Variants in NID2 observed in about 807,000 individuals in gnomAD.
The protein encoded by NID2 is nidogen-2.
A neutral mutation model predicts 145.4 loss-of-function variants in NID2; 83 were observed. The ratio of observed to expected loss-of-function variants is 0.57; its 90% confidence interval spans 0.48 to 0.69. The LOEUF (loss-of-function observed/expected upper bound fraction) is 0.69. Among genes scored for constraint, NID2 ranks in the 30% least tolerant of loss-of-function variants. NID2 has a pLI of 0.00. For missense variants in NID2, 1,807 were observed against 1,765.7 expected, an observed-to-expected ratio of 1.02 and a Z score of -0.42; for synonymous variants, 739 against 701.3, an observed-to-expected ratio of 1.05 and a Z score of -0.85.
At chr14:52,013,220 A>C (rs1891095950) in intron 16 of NID2, among the ~76,000 whole-genome samples, 1 of 152,160 alleles carries the variant, frequency 6.6e-6, no homozygotes. Flanking sequence ...TTCCACTACC[A>C]CTACCATCAC....
chr14:52,013,869 C>A (rs1414611541), intron 16 of NID2, among the ~76,000 whole-genome samples: 1 of 152,198 alleles, frequency 6.6e-6, no homozygotes, highest in East Asian at 1.9e-4. Flanking sequence ...CACTTGGAGT[C>A]CCCAACAAAC....
At chr14:52,019,835 G>T (rs1305707752) in intron 13 of NID2, among the ~76,000 whole-genome samples, 2 of 152,186 alleles carry the variant, frequency 1.3e-5, no homozygotes, top group Non-Finnish European at 2.9e-5. Flanking sequence ...GGGGCTATGA[G>T]GTAGGACGAT....
chr14:52,067,074 C>CGGTA (rs774584221), intron 2 of NID2, among the ~76,000 whole-genome samples: 1 of 152,184 alleles, frequency 6.6e-6, no homozygotes, highest in Non-Finnish European at 1.5e-5. Context: ...CCTCTCTGAC[C>CGGTA]TACCAATTGC....
intron 2 of NID2, among the ~76,000 whole-genome samples, chr14:52,065,482 T>TTTTTTTTATTTA (rs1893164623): frequency 1.8e-4 from 24 of 133,024 alleles, no homozygotes; most frequent in East Asian, 5.5e-4. Flanking sequence ...CCCCTTTCTT[T>TTTTTTTTATTTA]TTTATTTATT....
At chr14:52,030,530 AAG>A (rs1491019185) in intron 9 of NID2, among the ~76,000 whole-genome samples, 1 of 51,660 alleles carries the variant, frequency 1.9e-5, no homozygotes, top group African/African-American at 6.4e-5. Context: ...GAAAGAAAGA[AAG>A]AAAGAAAGAA....
At chr14:52,054,349 A>C (rs1263898569) in intron 3 of NID2, 28 bp from the exon 4 acceptor site, 1 of 1,587,188 alleles carries the variant, frequency 6.3e-7, no homozygotes, top group East Asian at 2.2e-5. Flanking sequence ...AGTCATTGTA[A>C]CAAATGTAAC....
At chr14:52,011,756 T>G in intron 16 of NID2, 73 bp from the exon 17 acceptor site, 1 of 1,565,502 alleles carries the variant, frequency 6.4e-7, no homozygotes, top group South Asian at 1.1e-5. Context: ...GCTGCCTTGC[T>G]CATGCACAGC....
intron 18 of NID2, chr14:52,008,920 T>C (rs1432026462): frequency 1.3e-5 from 2 of 152,154 alleles, no homozygotes; most frequent in African/African-American, 4.8e-5. Context: ...AAATGAAATA[T>C]ATTCATAACA....
At chr14:52,008,034 G>T in intron 18 of NID2, 67 bp from the exon 19 acceptor site, 1 of 1,326,422 alleles carries the variant, frequency 7.5e-7, no homozygotes, top group Non-Finnish European at 1.0e-6. Flanking sequence ...CATCTAAGCA[G>T]CCCCCAGTGA....
chr14:52,011,755 C>T lies in NID2; in HGVS notation c.3421-72G>A, dbSNP rs934487276. ...CCTTTGTTCACACTCAGCTGCCTTG[C>T]TCATGCACAGCTGCAGTGAGCAACA... On this transcript the variant is annotated intron_variant, in intron 16 of 21. Coordinates refer to ENST00000216286, the MANE Select transcript of NID2 (RefSeq NM_007361.4). 1.9e-6 allele frequency: 3 copies of T among 1,566,992 alleles called. No individual in the cohort carries two copies. In the East Asian group the frequency reaches 6.7e-5, roughly 35 times the overall value.
intron 5 of NID2, among the ~76,000 whole-genome samples, chr14:52,045,752 G>C (rs1892467399): frequency 6.6e-6 from 1 of 152,166 alleles, no homozygotes; most frequent in African/African-American, 2.4e-5. Flanking sequence ...AGCTACAGGA[G>C]GGACTCACAC....
intron 20 of NID2, chr14:52,006,188 A>G: frequency 2.5e-6 from 1 of 398,478 alleles, no homozygotes; most frequent in Non-Finnish European, 4.7e-6. Flanking sequence ...TCAAAAGCCA[A>G]CTTAAGCCCT....
At position 52,015,197 on chromosome 14, in the gene NID2, T is replaced by C; in HGVS notation, c.3107A>G (p.Asp1036Gly). The C allele has an allele frequency of 6.2e-7, 1 of 1,614,002 alleles. No individual in the cohort carries two copies. The highest frequency in any genetic ancestry group is 8.5e-7 in the Non-Finnish European group (1 of 1,179,984). The change falls in exon 15 of 22, where the codon GAT becomes GGT. Residue 1036 changes from aspartate (D) to glycine (G), a missense_variant. By Grantham distance (94) the Asp-to-Gly change is moderately conservative. Coordinates refer to ENST00000216286, the MANE Select transcript of NID2 (RefSeq NM_007361.4). The part of the protein sequence containing the change: ...LLEHYGGTPR[D>G]DQYVPQCDDL... ...ATCGCACTGGGGCACGTACTGGTCA[T>C]CCCGGGGGGTGCCACCGTAGTGCTC...
At chr14:52,037,945 G>A (rs887965358) in intron 9 of NID2, among the ~76,000 whole-genome samples, 1 of 152,172 alleles carries the variant, frequency 6.6e-6, no homozygotes, top group Non-Finnish European at 1.5e-5. Context: ...ACAATTTGGT[G>A]TACTGATCTT....
At chr14:52,011,425 C>T (rs769567821) in intron 17 of NID2, 129 bp downstream of exon 17, 2 of 1,139,036 alleles carry the variant, frequency 1.8e-6, no homozygotes, top group Admixed American at 2.0e-5. Context: ...TTATACAGCT[C>T]AATAAAATGA....
rs764750781 is a variant in NID2 at position 52,010,964 on chromosome 14, T to G, written c.3634A>C (p.Ser1212Arg). ...WTDSVLDKIE[S>R]ALLDGSERKV... The stretch of plus-strand genomic sequence containing the variant: ...CGCTCAGAGCCATCCAGCAGGGCGC[T>G]CTCTATCTTATCCAGGACACTGTCC... The change falls in exon 18 of 22, where the codon AGC becomes CGC. Residue 1212 changes from serine to arginine, a missense_variant. Physicochemically the swap from Ser to Arg is moderately radical, Grantham distance 110. Coordinates refer to ENST00000216286, the MANE Select transcript of NID2 (RefSeq NM_007361.4). 5 of 1,614,116 alleles carry G rather than the reference T, an allele frequency of 3.1e-6. No homozygotes were observed. The highest frequency in any genetic ancestry group is 3.4e-6 in the Non-Finnish European group (4 of 1,180,030).
At position 52,060,197 on chromosome 14, in the gene NID2, C is replaced by G. The variant is rs776877352; in HGVS notation, c.694G>C (p.Ala232Pro). 1.9e-6 allele frequency: 3 copies of G among 1,613,892 alleles called. No individual in the cohort carries two copies. The highest frequency in any genetic ancestry group is 2.7e-5 in the African/African-American group (2 of 74,890). Residue 232 changes from alanine to proline, a missense_variant, in exon 3 of 22, where the codon GCT becomes CCT. Coordinates refer to ENST00000216286, the MANE Select transcript of NID2 (RefSeq NM_007361.4). Reference sequence around the variant, plus strand: ...GGTCCTTCTGACTTCAGATCATCAGCCTCCCCTCGGCAGAAGCCCACCCGA... The same window carrying G: ...GGTCCTTCTGACTTCAGATCATCAGGCTCCCCTCGGCAGAAGCCCACCCGA... ...PARVGFCRGEADDLKSEGPYF... is the reference protein window; with the variant it reads ...PARVGFCRGEPDDLKSEGPYF...
intron 8 of NID2, among the ~76,000 whole-genome samples, chr14:52,039,443 C>T (rs558544053): frequency 4.6e-5 from 7 of 152,206 alleles, no homozygotes; most frequent in African/African-American, 1.2e-4. Flanking sequence ...ACAGAAGTGA[C>T]GACTTCCAAC....
At chr14:52,047,026 T>G (rs955810432) in intron 5 of NID2, among the ~76,000 whole-genome samples, 2 of 152,220 alleles carry the variant, frequency 1.3e-5, no homozygotes, top group Non-Finnish European at 2.9e-5. Flanking sequence ...GGTAAATGCT[T>G]CTTACAATTT....
Sources: allele counts gnomAD v4.1 joint callset (sites outside exome capture counted in the v4.1 genomes callset), GRCh38; gene constraint gnomAD v4.1.1; transcripts MANE v1.5; gene names NCBI Gene and HGNC (gene_info 2026-07-23, HGNC 2026-07-21).